The following PPP1R9A variants were observed in gnomAD, a reference collection of about 807,000 sequenced individuals.
The protein encoded by PPP1R9A is neurabin-1.
In PPP1R9A, 59 loss-of-function variants were observed where a neutral mutation model predicts 141.9. The ratio of observed to expected loss-of-function variants is 0.42; its 90% confidence interval spans 0.34 to 0.52. The LOEUF is 0.52. PPP1R9A is among the 20% of genes least tolerant of loss of function. The pLI, the probability that PPP1R9A is intolerant of heterozygous loss-of-function variation, is 0.10. For synonymous variants in PPP1R9A, 500 were observed against 569.7 expected (o/e 0.88, Z 1.74); for missense variants, 1,444 against 1,611.9 (o/e 0.90, Z 1.78).
chr7:95,073,807 C>A (rs1295202968), intron 2 of PPP1R9A, among the ~76,000 whole-genome samples: 1 of 151,604 alleles, frequency 6.6e-6, no homozygotes, highest in Non-Finnish European at 1.5e-5. Context: ...GTCTTTAACT[C>A]CTGGGCCCAA....
At chr7:95,115,722 T>C (rs1161821531) in intron 3 of PPP1R9A, among the ~76,000 whole-genome samples, 1 of 151,822 alleles carries the variant, frequency 6.6e-6, no homozygotes, top group Non-Finnish European at 1.5e-5. Flanking sequence ...GCTGAGACCA[T>C]CCTGGCTAAC....
intron 12 of PPP1R9A, among the ~76,000 whole-genome samples, chr7:95,267,168 A>T (rs573236660): frequency 6.6e-6 from 1 of 152,262 alleles, no homozygotes; most frequent in Admixed American, 6.5e-5. Flanking sequence ...GGTTTCATAG[A>T]CAAGAGGCAC....
intron 9 of PPP1R9A, among the ~76,000 whole-genome samples, chr7:95,249,681 T>G (rs2153003632): frequency 6.6e-6 from 1 of 152,210 alleles, no homozygotes; most frequent in Non-Finnish European, 1.5e-5. Context: ...TTTTAAAAAC[T>G]CTCAAAACAT....
chr7:95,272,888 T>C (rs765454002), intron 14 of PPP1R9A, among the ~76,000 whole-genome samples: 5 of 152,098 alleles, frequency 3.3e-5, no homozygotes, highest in African/African-American at 4.8e-5. Flanking sequence ...GAAAAACAGA[T>C]ACCAAAAAAG....
At chr7:95,083,553 A>G (rs1816212610) in intron 2 of PPP1R9A, among the ~76,000 whole-genome samples, 2 of 151,858 alleles carry the variant, frequency 1.3e-5, no homozygotes, top group African/African-American at 4.9e-5. Flanking sequence ...GTGTACCTTA[A>G]CACTTCAGAG....
intron 2 of PPP1R9A, among the ~76,000 whole-genome samples, chr7:95,058,791 C>A (rs1811826715): frequency 3.3e-5 from 5 of 151,164 alleles, no homozygotes; most frequent in Admixed American, 3.3e-4. Context: ...CTTTTCTTTT[C>A]TTTTCTTTTT....
intron 2 of PPP1R9A, among the ~76,000 whole-genome samples, chr7:95,098,545 C>G (rs1251874169): frequency 2.0e-5 from 3 of 152,108 alleles, no homozygotes; most frequent in Non-Finnish European, 4.4e-5. Context: ...TTCTTAAGAT[C>G]CTCACCCACT....
intron 12 of PPP1R9A, among the ~76,000 whole-genome samples, chr7:95,258,748 T>C (rs1423380631): frequency 2.0e-5 from 3 of 152,208 alleles, no homozygotes; most frequent in Non-Finnish European, 4.4e-5. Flanking sequence ...TTAGTAAACA[T>C]AGACATTCAA....
At chr7:94,936,779 C>T (rs1794814606) in intron 2 of PPP1R9A, among the ~76,000 whole-genome samples, 2 of 151,908 alleles carry the variant, frequency 1.3e-5, no homozygotes, top group Admixed American at 6.6e-5. Context: ...AATGGTAAAA[C>T]ATTAATTCTG....
At chr7:95,120,142 GAGAC>G (rs1425482932) in intron 3 of PPP1R9A, among the ~76,000 whole-genome samples, 1 of 151,642 alleles carries the variant, frequency 6.6e-6, no homozygotes. Context: ...ATTTTTAGTA[GAGAC>G]AGGCTTTCAC....
chr7:95,279,810 T>C (rs1803831452), intron 16 of PPP1R9A, among the ~76,000 whole-genome samples: 1 of 152,230 alleles, frequency 6.6e-6, no homozygotes, highest in South Asian at 2.1e-4. Context: ...TTTCTATTCA[T>C]ACAAATTTTC....
At chr7:95,199,041 A>G (rs962436778) in intron 6 of PPP1R9A, among the ~76,000 whole-genome samples, 5 of 152,208 alleles carry the variant, frequency 3.3e-5, no homozygotes, top group African/African-American at 9.6e-5. Flanking sequence ...CCACTAGCAC[A>G]TGTTCCATAG....
intron 5 of PPP1R9A, among the ~76,000 whole-genome samples, chr7:95,184,340 G>A (rs1834312882): frequency 1.3e-5 from 2 of 152,192 alleles, no homozygotes; most frequent in South Asian, 4.1e-4. Context: ...TTATTTTTTA[G>A]AGATATATGT....
Position 95,197,039 on chromosome 7 carries a change from A to T in PPP1R9A, c.1755-1310A>T, listed in dbSNP as rs557249149. On this transcript the variant is annotated intron_variant, in intron 5 of 19. Coordinates refer to ENST00000433360, the MANE Select transcript of PPP1R9A (RefSeq NM_001166160.2). ...AAGTAAATCTTGCTTGAAACTATAT[A>T]AAAGTATTTATTAAAAGGCAATTAA... Among the ~76,000 whole-genome samples, 21 of 152,290 alleles carry T rather than the reference A, an allele frequency of 1.4e-4. No homozygotes were observed. The South Asian group carries it at 3.7e-3, about 27-fold the overall frequency.
intron 12 of PPP1R9A, among the ~76,000 whole-genome samples, chr7:95,262,420 G>A (rs1253289180): frequency 2.0e-5 from 3 of 152,138 alleles, no homozygotes; most frequent in Non-Finnish European, 2.9e-5. Flanking sequence ...TTTCCCTGTG[G>A]TCTAAATCTA....
At chr7:95,074,754 G>A (rs1230291942) in intron 2 of PPP1R9A, among the ~76,000 whole-genome samples, 2 of 152,016 alleles carry the variant, frequency 1.3e-5, no homozygotes, top group African/African-American at 4.8e-5. Flanking sequence ...GATTACAGGC[G>A]TGATCCATCG....
intron 8 of PPP1R9A, among the ~76,000 whole-genome samples, chr7:95,238,497 C>T (rs1239162708): frequency 6.6e-6 from 1 of 152,166 alleles, no homozygotes; most frequent in Non-Finnish European, 1.5e-5. Flanking sequence ...TCTCCTGCTT[C>T]AGATCCTCAG....
chr7:95,203,858 G>A (rs898250308), intron 7 of PPP1R9A, 128 bp downstream of exon 7: 4 of 594,650 alleles, frequency 6.7e-6, no homozygotes, highest in Admixed American at 3.6e-5. Context: ...TGTGTTTTGT[G>A]CATTGAATAA....
intron 2 of PPP1R9A, among the ~76,000 whole-genome samples, chr7:95,057,472 A>G (rs1811657524): frequency 6.6e-6 from 1 of 152,126 alleles, no homozygotes; most frequent in Non-Finnish European, 1.5e-5. Context: ...GAAATAGTCT[A>G]CATCTCTAGA....
Sources: gnomAD v4.1 joint callset for allele counts (sites outside exome capture counted in the v4.1 genomes callset) on GRCh38, gnomAD v4.1.1 for gene constraint, MANE v1.5 for transcripts, NCBI Gene and HGNC (gene_info 2026-07-23, HGNC 2026-07-21) for gene names.